The following KCTD2 variants were observed in gnomAD, a reference collection of about 807,000 sequenced individuals.
KCTD2 encodes the protein BTB/POZ domain-containing protein KCTD2.
A neutral mutation model predicts 27.9 loss-of-function variants in KCTD2; 18 were observed. That is an observed-to-expected ratio of 0.64 (90% CI 0.45 to 0.96). The LOEUF is 0.96. KCTD2 is among the 40% of genes least tolerant of loss of function. The pLI, the probability that KCTD2 is intolerant of heterozygous loss-of-function variation, is 0.00. For missense variants in KCTD2, 280 were observed against 348.0 expected, an observed-to-expected ratio of 0.80 and a Z score of 1.56; for synonymous variants, 175 against 148.4, an observed-to-expected ratio of 1.18 and a Z score of -1.30.
intron 3 of KCTD2, among the ~76,000 whole-genome samples, chr17:75,056,118 A>C (rs1567993169): frequency 6.6e-6 from 1 of 152,174 alleles, no homozygotes; most frequent in East Asian, 1.9e-4. Flanking sequence ...TATCCACTTT[A>C]TCTCCAGCAG....
intron 5 of KCTD2, among the ~76,000 whole-genome samples, 191 bp downstream of exon 5, chr17:75,062,436 A>G (rs1453432778): frequency 6.6e-6 from 1 of 152,090 alleles, no homozygotes; most frequent in East Asian, 1.9e-4. Flanking sequence ...AGGTGTTTTT[A>G]GTTAGAAAAT....
rs2073408275 is a variant in KCTD2, at chr17:75,061,996, T to C, written c.637-124T>C. On this transcript the variant is annotated intron_variant, in intron 4 of 5. Coordinates refer to ENST00000322444, the MANE Select transcript of KCTD2 (RefSeq NM_015353.3). ...GGGGGCTTTGGTAGTCACAGAGAAC[T>C]CATATAAAGAGTTAAACCTTTGATA... 2.2e-5 allele frequency: 24 copies of C among 1,070,076 alleles called. No individual in the cohort carries two copies. In the South Asian group the frequency reaches 3.2e-4, roughly 14 times the overall value. The allele number at this position is 1,070,076 out of a possible 1,614,324, so 66.3% of individuals were successfully genotyped here. A position where few individuals can be genotyped will look rare whatever the true frequency, so the allele number is the denominator to read the frequency against.
At chr17:75,049,393 G>A in intron 2 of KCTD2, 65 bp downstream of exon 2, 2 of 1,078,880 alleles carry the variant, frequency 1.9e-6, no homozygotes, top group Non-Finnish European at 2.8e-6. Flanking sequence ...TTGTTTTACA[G>A]ATTTCAATTT....
chr17:75,043,469 C>T (rs1041020624), upstream of KCTD2, among the ~76,000 whole-genome samples: 1 of 151,986 alleles, frequency 6.6e-6, no homozygotes, highest in African/African-American at 2.4e-5. Flanking sequence ...AAAAATTAGC[C>T]GGGCGTGATG....
chr17:75,057,289 T>C (rs1398930850), intron 3 of KCTD2, among the ~76,000 whole-genome samples: 1 of 151,944 alleles, frequency 6.6e-6, no homozygotes, highest in Non-Finnish European at 1.5e-5. Flanking sequence ...TGTAGGTGAT[T>C]GATCCTGGTG....
At chr17:75,052,954 C>T (rs1404412976) in intron 2 of KCTD2, 60 bp from the exon 3 acceptor site, 7 of 1,197,792 alleles carry the variant, frequency 5.8e-6, no homozygotes, top group Middle Eastern at 1.9e-4. Context: ...TCATCCTCTC[C>T]TTGGTGTTTT....
chr17:75,034,104 A>T (rs2040090832), exon 2 of KCTD2: 1 of 152,196 alleles, frequency 6.6e-6, no homozygotes, highest in Non-Finnish European at 1.5e-5. Context: ...ACCTCCTCCA[A>T]GCGCCTAAAG....
At chr17:75,056,197 C>T (rs2073348623) in intron 3 of KCTD2, among the ~76,000 whole-genome samples, 1 of 152,216 alleles carries the variant, frequency 6.6e-6, no homozygotes, top group Non-Finnish European at 1.5e-5. Context: ...TCAAAGGCTC[C>T]TTTTTGATGT....
intron 5 of KCTD2, 102 bp downstream of exon 5, chr17:75,062,347 C>T (rs1598130034): frequency 2.6e-6 from 3 of 1,168,140 alleles, no homozygotes; most frequent in Non-Finnish European, 3.6e-6. Context: ...CCCTGGCCTT[C>T]TAGAGCCAGC....
chr17:75,037,512 A>G (rs1567986010), intron 3 of KCTD2, among the ~76,000 whole-genome samples: 1 of 152,194 alleles, frequency 6.6e-6, no homozygotes, highest in Non-Finnish European at 1.5e-5. Context: ...CAATCCTGAT[A>G]TTTGTAAATG....
intron 3 of KCTD2, among the ~76,000 whole-genome samples, chr17:75,038,486 A>G (rs1489185811): frequency 6.6e-6 from 1 of 152,218 alleles, no homozygotes; most frequent in East Asian, 1.9e-4. Flanking sequence ...CAAAAGCTGA[A>G]GCACAGAGAA....
intron 3 of KCTD2, among the ~76,000 whole-genome samples, chr17:75,056,107 T>A (rs2073347726): frequency 6.6e-6 from 1 of 152,224 alleles, no homozygotes; most frequent in Non-Finnish European, 1.5e-5. Context: ...ATTAACTCTT[T>A]TATCCACTTT....
At chr17:75,062,699 A>AACACACCCACACAC (rs2073416266) in intron 5 of KCTD2, among the ~76,000 whole-genome samples, 1 of 115,990 alleles carries the variant, frequency 8.6e-6, no homozygotes, top group Non-Finnish European at 1.8e-5. Context: ...CCTCACCCCC[A>AACACACCCACACAC]ACACACACAC....
chr17:75,062,699 A>ACCACACACACACAC (rs1555642380), intron 5 of KCTD2, among the ~76,000 whole-genome samples: 1 of 115,990 alleles, frequency 8.6e-6, no homozygotes, highest in Non-Finnish European at 1.8e-5. Context: ...CCTCACCCCC[A>ACCACACACACACAC]ACACACACAC....
upstream of KCTD2, among the ~76,000 whole-genome samples, chr17:75,044,199 A>ATTTT (rs755560156): frequency 2.1e-5 from 2 of 94,696 alleles, no homozygotes; most frequent in Non-Finnish European, 1.9e-5. Context: ...TAATTTTTGT[A>ATTTT]TTTTTTTTTT....
intron 2 of KCTD2, among the ~76,000 whole-genome samples, chr17:75,049,871 G>C (rs1282203621): frequency 1.3e-5 from 2 of 152,176 alleles, no homozygotes; most frequent in Admixed American, 1.3e-4. Context: ...AGGGCATTGG[G>C]ACTATAAGTG....
chr17:75,040,258 G>C (rs547431296), intron 3 of KCTD2: 14 of 1,446,078 alleles, frequency 9.7e-6, no homozygotes, highest in Non-Finnish European at 1.4e-5. Flanking sequence ...TCAAAGGGCT[G>C]GAAGCTACGA....
chr17:75,056,090 A>T (rs908923694), intron 3 of KCTD2, among the ~76,000 whole-genome samples: 1 of 152,194 alleles, frequency 6.6e-6, no homozygotes, highest in Non-Finnish European at 1.5e-5. Context: ...GACACTAATG[A>T]TGAAAAATTA....
chr17:75,059,628 A>G lies in KCTD2; in HGVS notation c.636+23A>G, dbSNP rs1391684603. 4.4e-6 allele frequency: 7 copies of G among 1,584,300 alleles called. 1 individual carries two copies. The highest frequency in any genetic ancestry group is 1.7e-4 in the Middle Eastern group (1 of 6,012). On this transcript the variant is annotated intron_variant, in intron 4 of 5. Transcript: ENST00000322444. ...CAGGTACATCTCTTAACAGAGCAGC[A>G]ATCCCAGGCCCCGTTCAAGGGGTCT...
Sources: allele counts gnomAD v4.1 joint callset (sites outside exome capture counted in the v4.1 genomes callset), GRCh38; gene constraint gnomAD v4.1.1; transcripts MANE v1.5; gene names NCBI Gene and HGNC (gene_info 2026-07-23, HGNC 2026-07-21).